The following KCNQ1 variants were observed in gnomAD, a reference collection of about 807,000 sequenced individuals.
KCNQ1 encodes the protein potassium voltage-gated channel subfamily Q member 1.
Under a neutral mutation model 72.4 loss-of-function variants are expected in KCNQ1, and 49 were observed. That is an observed-to-expected ratio of 0.68 (90% CI 0.54 to 0.86). The LOEUF (loss-of-function observed/expected upper bound fraction) is 0.86. Ranked by LOEUF, KCNQ1 falls within the 40% of genes least tolerant of loss-of-function variation. The pLI is 0.00. For synonymous variants in KCNQ1, 450 were observed against 412.6 expected (o/e 1.09, Z -1.10); for missense variants, 790 against 945.1 (o/e 0.84, Z 2.15).
At chr11:2,532,182 A>G (rs1847646597) in intron 2 of KCNQ1, among the ~76,000 whole-genome samples, 1 of 152,026 alleles carries the variant, frequency 6.6e-6, no homozygotes, top group Non-Finnish European at 1.5e-5. Context: ...TGGGAGGCTC[A>G]CAAGCATCTG....
chr11:2,481,118 G>A lies in KCNQ1; in HGVS notation c.386+35634G>A, dbSNP rs769912050. On this transcript the variant is annotated intron_variant, in intron 1 of 15. Transcript: ENST00000155840. This position sits in a 1 kb window ranked among gnomAD's most constrained non-coding sequence, Gnocchi z 4.6. ...AACGGGTGGTGGTCTCTTCTGCAGT[G>A]AACTGATGCGATGTGTGATGTCACT... is the stretch of plus-strand genomic sequence containing the variant. Among the ~76,000 whole-genome samples, 35 of 152,230 alleles carry A rather than the reference G, an allele frequency of 2.3e-4. No homozygotes were observed. The highest frequency in any genetic ancestry group is 4.1e-4 in the Non-Finnish European group (28 of 68,040).
chr11:2,724,546 G>A lies in KCNQ1; in HGVS notation c.1515-44298G>A, dbSNP rs548344731. Among the ~76,000 whole-genome samples, 38 of 152,330 alleles carry A rather than the reference G, an allele frequency of 2.5e-4. No homozygotes were observed. The highest frequency in any genetic ancestry group is 4.7e-4 in the Non-Finnish European group (32 of 68,018). On this transcript the variant is annotated intron_variant, in intron 11 of 15. Transcript: ENST00000155840. The surrounding 1 kb of genome is among the most constrained non-coding windows in gnomAD (Gnocchi z 6.8). ...GGCCGTGGCTGCACTGAGGGCAGAA[G>A]GGGCCTTGTCACCTAGGAAGGACCC...
At chr11:2,693,035 C>G (rs1381182104) in intron 11 of KCNQ1, 5 of 398,538 alleles carry the variant, frequency 1.3e-5, no homozygotes. Flanking sequence ...GAAGTCCTTT[C>G]TGGAGCAGGG....
rs1232216200 is a variant in KCNQ1, at chr11:2,493,340, A to G, written c.387-34588A>G. Among the ~76,000 whole-genome samples, 4 of 151,888 alleles carry G rather than the reference A, an allele frequency of 2.6e-5. No individual in the cohort carries two copies. Among genetic ancestry groups the G allele is most frequent in the Admixed American group, 2.0e-4 (3 of 15,256 alleles). On this transcript the variant is annotated intron_variant, in intron 1 of 15. Transcript: ENST00000155840. The surrounding 1 kb of genome is among the most constrained non-coding windows in gnomAD (Gnocchi z 5.3). The stretch of plus-strand genomic sequence containing the variant: ...ATGCTAGCTTCTTTTACTGTGCAGA[A>G]GCTCTTTAGTTTAATTAGATCCCAT...
chr11:2,837,483 G>A (rs754372364), intron 15 of KCNQ1, among the ~76,000 whole-genome samples: 2 of 152,348 alleles, frequency 1.3e-5, no homozygotes, highest in African/African-American at 2.4e-5. Flanking sequence ...CTCCCTGCTC[G>A]AGAGGTGACC....
rs973994739 is a variant in KCNQ1, at chr11:2,483,921, C to T, written c.386+38437C>T. The stretch of plus-strand genomic sequence containing the variant: ...CCTTTTTTCTCCTGAGATTTTGCCC[C>T]GCTGATTTTAGTGCCCATCAGCTGG... On this transcript the variant is annotated intron_variant, in intron 1 of 15. Coordinates refer to ENST00000155840, the MANE Select transcript of KCNQ1 (RefSeq NM_000218.3). This position sits in a 1 kb window ranked among gnomAD's most constrained non-coding sequence, Gnocchi z 6.1. 2.6e-5 allele frequency among the ~76,000 whole-genome samples: 4 copies of T among 152,130 alleles called. No homozygotes were observed. The highest frequency in any genetic ancestry group is 1.9e-4 in the East Asian group (1 of 5,194).
At chr11:2,751,724 T>C (rs1846229736) in intron 11 of KCNQ1, among the ~76,000 whole-genome samples, 2 of 152,268 alleles carry the variant, frequency 1.3e-5, no homozygotes, top group African/African-American at 4.8e-5. Context: ...GCAGATGCGC[T>C]GTGTCCCTGC....
At position 2,682,516 on chromosome 11, in the gene KCNQ1, C is replaced by T. The variant is rs1333899864; in HGVS notation, c.1514+20435C>T. The T allele has an allele frequency of 1.9e-5, 7 of 363,016 alleles. No homozygotes were observed. Among genetic ancestry groups the T allele is most frequent in the Middle Eastern group, 1.3e-3 (2 of 1,494 alleles). The allele number at this position is 363,016 out of a possible 1,614,324, so 22.5% of individuals were successfully genotyped here. A position where few individuals can be genotyped will look rare whatever the true frequency, so the allele number is the denominator to read the frequency against. ...TGAGTGAGTGAGTGAGTACTTGTGC[C>T]CAGGTCAAACCAGGTGCTAGGACCC... On this transcript the variant is annotated intron_variant, in intron 11 of 15. Coordinates refer to ENST00000155840, the MANE Select transcript of KCNQ1 (RefSeq NM_000218.3). This position sits in a 1 kb window ranked among gnomAD's most constrained non-coding sequence, Gnocchi z 5.8.
Position 2,671,197 on chromosome 11 carries a change from TA to T in KCNQ1, c.1514+9120del. 1 of 398,324 alleles carries T rather than the reference TA, an allele frequency of 2.5e-6. No individual in the cohort carries two copies. The highest frequency in any genetic ancestry group is 4.4e-6 in the Non-Finnish European group (1 of 226,004). The allele number at this position is 398,324 out of a possible 1,614,324, so 24.7% of individuals were successfully genotyped here. On this transcript the variant is annotated intron_variant, in intron 11 of 15. Transcript: ENST00000155840. This position sits in a 1 kb window ranked among gnomAD's most constrained non-coding sequence, Gnocchi z 4.7. ...TTGTTAGGAGAAAAGGAAAGAAAAA[TA>T]AAAGGTAGAGAGACAGAGGTAGACA...
intron 11 of KCNQ1, among the ~76,000 whole-genome samples, chr11:2,753,987 A>C (rs763393963): frequency 6.6e-6 from 1 of 152,246 alleles, no homozygotes; most frequent in African/African-American, 2.4e-5. Flanking sequence ...GACCCAATTA[A>C]AAAATGGGCA....
chr11:2,646,230 T>C, intron 10 of KCNQ1: 1 of 398,672 alleles, frequency 2.5e-6, no homozygotes, highest in Non-Finnish European at 4.4e-6. Context: ...ATGCCTCTAG[T>C]CAGCCATCTT....
chr11:2,465,901 G>A (rs1014991684), intron 1 of KCNQ1, among the ~76,000 whole-genome samples: 10 of 152,204 alleles, frequency 6.6e-5, no homozygotes, highest in Admixed American at 5.9e-4. Flanking sequence ...GCTGCCAGGC[G>A]GGTCTAGATG....
At chr11:2,812,879 G>A (rs1473977495) in intron 15 of KCNQ1, among the ~76,000 whole-genome samples, 4 of 152,214 alleles carry the variant, frequency 2.6e-5, no homozygotes, top group South Asian at 2.1e-4. Context: ...CCCTGGGGTT[G>A]TGCCATGGCC....
In KCNQ1 at chr11:2,645,847, G is replaced by A. The variant is rs556782003; in HGVS notation, c.1394-16114G>A. 5.0e-6 allele frequency: 2 copies of A among 398,666 alleles called. No homozygotes were observed. The highest frequency in any genetic ancestry group is 8.8e-6 in the Non-Finnish European group (2 of 226,136). 24.7% of individuals were successfully genotyped at this position (398,666 alleles called of 1,614,324 possible). On this transcript the variant is annotated intron_variant, in intron 10 of 15. Coordinates refer to ENST00000155840, the MANE Select transcript of KCNQ1 (RefSeq NM_000218.3). This position sits in a 1 kb window ranked among gnomAD's most constrained non-coding sequence, Gnocchi z 5.8. ...CCTGAAGTTGCCTGAGGATTCAGGG[G>A]ATGTGTGAATTGCCTGAGGATTCAG...
chr11:2,574,484 C>A (rs983760229), intron 6 of KCNQ1, among the ~76,000 whole-genome samples: 19 of 152,278 alleles, frequency 1.2e-4, no homozygotes, highest in Admixed American at 4.6e-4. Flanking sequence ...GCGGGCAGGG[C>A]AGCCGTGGGA....
At chr11:2,793,952 A>G (rs1371257518) in intron 15 of KCNQ1, among the ~76,000 whole-genome samples, 1 of 152,152 alleles carries the variant, frequency 6.6e-6, no homozygotes, top group Non-Finnish European at 1.5e-5. Context: ...GGAGTGAGTG[A>G]GGAGGAGGAG....
intron 15 of KCNQ1, among the ~76,000 whole-genome samples, chr11:2,795,887 G>C (rs1847118724): frequency 6.6e-6 from 1 of 152,176 alleles, no homozygotes; most frequent in Non-Finnish European, 1.5e-5. Context: ...CGGGGGAACA[G>C]GGGGTAAGTG....
At chr11:2,708,266 T>A (rs368348453) in intron 11 of KCNQ1, among the ~76,000 whole-genome samples, 2 of 152,302 alleles carry the variant, frequency 1.3e-5, no homozygotes, top group African/African-American at 4.8e-5. Context: ...GACACTCTTC[T>A]CAACAGGATC....
At position 2,486,449 on chromosome 11, in the gene KCNQ1, C is replaced by G. The variant is rs1846741765; in HGVS notation, c.386+40965C>G. Among the ~76,000 whole-genome samples, 1 of 152,228 alleles carries G rather than the reference C, an allele frequency of 6.6e-6. No individual in the cohort carries two copies. Among genetic ancestry groups the G allele is most frequent in the African/African-American group, 2.4e-5 (1 of 41,538 alleles). On this transcript the variant is annotated intron_variant, in intron 1 of 15. Transcript: ENST00000155840. This position sits in a 1 kb window ranked among gnomAD's most constrained non-coding sequence, Gnocchi z 5.0. ...ATATTTTCTCTCATTCTGTGGGGTG[C>G]CTTTTTACTCCGTTGATAGTGTCTT...
Sources: allele counts gnomAD v4.1 joint callset (sites outside exome capture counted in the v4.1 genomes callset), GRCh38; gene constraint gnomAD v4.1.1; non-coding constraint Gnocchi (gnomAD v3.1); transcripts MANE v1.5; gene names NCBI Gene and HGNC (gene_info 2026-07-23, HGNC 2026-07-21).